The following TXNDC16 variants were observed in gnomAD, a reference collection of about 807,000 sequenced individuals.
TXNDC16 encodes thioredoxin domain containing 16.
TXNDC16 carries 74 observed loss-of-function variants against 85.6 expected under a neutral mutation model. That is an observed-to-expected ratio of 0.86 (90% confidence interval 0.72 to 1.05). TXNDC16 has a LOEUF of 1.05. Among genes scored for constraint, TXNDC16 ranks in the 50% least tolerant of loss-of-function variants. The pLI is 0.00. For missense variants in TXNDC16, 959 were observed against 947.0 expected, an observed-to-expected ratio of 1.01 and a Z score of -0.17; for synonymous variants, 335 against 326.5, an observed-to-expected ratio of 1.03 and a Z score of -0.28.
At chr14:52,453,332 A>C (rs1403211708) in intron 18 of TXNDC16, among the ~76,000 whole-genome samples, 1 of 152,232 alleles carries the variant, frequency 6.6e-6, no homozygotes, top group Non-Finnish European at 1.5e-5. Flanking sequence ...TCCTGAGTAC[A>C]TTCCCAAAAG....
intron 1 of TXNDC16, among the ~76,000 whole-genome samples, chr14:52,551,084 T>A (rs1213584606): frequency 2.0e-5 from 3 of 152,256 alleles, no homozygotes; most frequent in Non-Finnish European, 4.4e-5. Context: ...GATGTCTAGG[T>A]AACAGTGCTA....
chr14:52,455,352 A>G lies in TXNDC16; in HGVS notation c.1814T>C (p.Ile605Thr), dbSNP rs2035507501. 6.2e-7 allele frequency: 1 copy of G among 1,613,838 alleles called. No homozygotes were observed. Among genetic ancestry groups the G allele is most frequent in the Non-Finnish European group, 8.5e-7 (1 of 1,179,852 alleles). Residue 605 changes from isoleucine to threonine, a missense_variant, in exon 18 of 21, where the codon ATA becomes ACA. Coordinates refer to ENST00000281741, the MANE Select transcript of TXNDC16 (RefSeq NM_020784.3). ...ASTHAQDIVQ[I>T]ITDALLEMFP... ...CATTTCCAGTAGTGCATCTGTTATT[A>G]TTTGAACTATGTCTTGTGCATGTGT...
Position 52,551,789 on chromosome 14 carries a change from C to G in TXNDC16, c.-182+527G>C, listed in dbSNP as rs867889337. 9.9e-5 allele frequency among the ~76,000 whole-genome samples: 15 copies of G among 151,978 alleles called. No individual in the cohort carries two copies. In the East Asian group the frequency reaches 2.1e-3, roughly 22 times the overall value. On this transcript the variant is annotated intron_variant, in intron 1 of 20. Transcript: ENST00000281741. ...GGCCCAGGAATAGCGCCACCATCTA[C>G]CATACACAGGTCCAAGGCTTCGATA... is the stretch of plus-strand genomic sequence containing the variant.
At chr14:52,499,707 G>A (rs1466615502) in intron 9 of TXNDC16, among the ~76,000 whole-genome samples, 1 of 151,966 alleles carries the variant, frequency 6.6e-6, no homozygotes, top group African/African-American at 2.4e-5. Context: ...GTAAAATGGT[G>A]CAGGCACTAT....
intron 6 of TXNDC16, 71 bp downstream of exon 6, chr14:52,536,648 T>C: frequency 3.2e-6 from 4 of 1,236,028 alleles, no homozygotes; most frequent in Non-Finnish European, 4.6e-6. Flanking sequence ...TTTAATGAAT[T>C]GTGGTTATTT....
chr14:52,472,801 C>T (rs943083311), intron 14 of TXNDC16, among the ~76,000 whole-genome samples: 2 of 152,056 alleles, frequency 1.3e-5, no homozygotes, highest in Non-Finnish European at 2.9e-5. Flanking sequence ...GGGGAGTCCT[C>T]GGTAAGGTTT....
At chr14:52,505,573 G>T (rs929148613) in intron 9 of TXNDC16, among the ~76,000 whole-genome samples, 1 of 152,228 alleles carries the variant, frequency 6.6e-6, no homozygotes, top group African/African-American at 2.4e-5. Context: ...GCAGTGTGTA[G>T]AGGGAAATTT....
intron 7 of TXNDC16, among the ~76,000 whole-genome samples, chr14:52,516,628 A>G (rs1409642585): frequency 6.6e-6 from 1 of 152,124 alleles, no homozygotes; most frequent in Non-Finnish European, 1.5e-5. Flanking sequence ...TGGCAGCTCA[A>G]ATCCTTCAGT....
In TXNDC16 at chr14:52,430,860, G is replaced by C. The variant is rs2034875695; in HGVS notation, c.*1444C>G. 6.6e-6 allele frequency: 1 copy of C among 152,136 alleles called. No homozygotes were observed. The highest frequency in any genetic ancestry group is 2.4e-5 in the African/African-American group (1 of 41,426). 9.4% of individuals were successfully genotyped at this position (152,136 alleles called of 1,614,324 possible). A position where few individuals can be genotyped will look rare whatever the true frequency, so the allele number is the denominator to read the frequency against. ...GCTACAGGAAAAAAAATTGAGGAGA[G>C]GGTGCTGAGAGTAGCAACGGGTCTA... On this transcript the variant is annotated 3_prime_UTR_variant, in exon 21 of 21. Coordinates refer to ENST00000281741, the MANE Select transcript of TXNDC16 (RefSeq NM_020784.3).
rs184755205 is a variant in TXNDC16 at position 52,445,395 on chromosome 14, C to T, written c.1843-4671G>A. 3.3e-3 allele frequency among the ~76,000 whole-genome samples: 504 copies of T among 152,182 alleles called. 2 individuals carry two copies. Among genetic ancestry groups the T allele is most frequent in the Middle Eastern group, 6.8e-3 (2 of 294 alleles). ...TAAAGACTGCAGTCCCTTAGTTGAG[C>T]CCAAAATGTAATGTCCTTTAGATCA... On this transcript the variant is annotated intron_variant, in intron 18 of 20. Transcript: ENST00000281741.
chr14:52,501,764 G>A (rs971271655), intron 9 of TXNDC16, among the ~76,000 whole-genome samples: 3 of 152,140 alleles, frequency 2.0e-5, no homozygotes, highest in Non-Finnish European at 2.9e-5. Flanking sequence ...TGGTCTAAGA[G>A]GTGTTTCCTA....
At chr14:52,532,679 G>A (rs1445928443) in intron 6 of TXNDC16, among the ~76,000 whole-genome samples, 3 of 152,020 alleles carry the variant, frequency 2.0e-5, no homozygotes, top group East Asian at 1.9e-4. Context: ...CTCGTGATCT[G>A]CCCACCTCGG....
chr14:52,455,376 G>T lies in TXNDC16; in HGVS notation c.1790C>A (p.Thr597Lys). Residue 597 changes from threonine (T) to lysine (K), a missense_variant, in exon 18 of 21, where the codon ACA (threonine) becomes AAA (lysine). Transcript: ENST00000281741. The stretch of plus-strand genomic sequence containing the variant: ...TATTTGAACTATGTCTTGTGCATGT[G>T]TGCTAGCTAGTGGGATGCTCTCTAT... ...GKIESIPLASTHAQDIVQIIT... is the reference protein window; with the variant it reads ...GKIESIPLASKHAQDIVQIIT... The T allele has an allele frequency of 6.2e-7, 1 of 1,613,968 alleles. No individual in the cohort carries two copies. Among genetic ancestry groups the T allele is most frequent in the African/African-American group, 1.3e-5 (1 of 75,022 alleles).
intron 9 of TXNDC16, among the ~76,000 whole-genome samples, chr14:52,496,596 T>G (rs1402978689): frequency 6.9e-6 from 1 of 144,524 alleles, no homozygotes; most frequent in Non-Finnish European, 1.5e-5. Context: ...TTATGACTTT[T>G]TTATGATTTT....
intron 9 of TXNDC16, among the ~76,000 whole-genome samples, chr14:52,496,272 G>A (rs2036530682): frequency 6.6e-6 from 1 of 152,072 alleles, no homozygotes; most frequent in African/African-American, 2.4e-5. Flanking sequence ...GGGAAAAATG[G>A]AGGCACACGA....
chr14:52,513,568 C>A (rs190838140), intron 8 of TXNDC16, among the ~76,000 whole-genome samples: 414 of 151,870 alleles, frequency 2.7e-3, no homozygotes, highest in Non-Finnish European at 4.3e-3. Flanking sequence ...TTTTTAAATT[C>A]CCATTTAAAA....
chr14:52,450,157 C>T (rs748107692), intron 18 of TXNDC16, among the ~76,000 whole-genome samples: 4 of 151,492 alleles, frequency 2.6e-5, no homozygotes, highest in East Asian at 3.9e-4. Context: ...GTTGGTTTTC[C>T]GAAAAGTTAA....
intron 9 of TXNDC16, among the ~76,000 whole-genome samples, chr14:52,493,215 A>ATATATATACATAT (rs761008122): frequency 8.3e-6 from 1 of 120,960 alleles, no homozygotes; most frequent in African/African-American, 3.0e-5. Flanking sequence ...ATATATATAT[A>ATATATATACATAT]TACACACACA....
At chr14:52,506,145 AC>A (rs1012447444) in intron 9 of TXNDC16, among the ~76,000 whole-genome samples, 12 of 152,254 alleles carry the variant, frequency 7.9e-5, no homozygotes, top group African/African-American at 2.7e-4. Flanking sequence ...TACCAGAGGT[AC>A]AAGGAGGAGC....
Sources: gnomAD v4.1 joint callset for allele counts (sites outside exome capture counted in the v4.1 genomes callset) on GRCh38, gnomAD v4.1.1 for gene constraint, MANE v1.5 for transcripts, NCBI Gene and HGNC (gene_info 2026-07-23, HGNC 2026-07-21) for gene names.